Variants in CLIP2 observed in about 807,000 individuals in gnomAD.
CLIP2 encodes the protein CAP-Gly domain-containing linker protein 2.
CLIP2 carries 41 observed loss-of-function variants against 111.7 expected under a neutral mutation model. The observed-to-expected ratio is 0.37, with a 90% CI of 0.29 to 0.48. The LOEUF (loss-of-function observed/expected upper bound fraction) is 0.48. Among genes scored for constraint, CLIP2 ranks in the 20% least tolerant of loss-of-function variants. The pLI, the probability that CLIP2 is intolerant of heterozygous loss-of-function variation, is 0.99. For synonymous variants in CLIP2, 660 were observed against 644.2 expected (o/e 1.02, Z -0.37); for missense variants, 1,160 against 1,422.1 (o/e 0.82, Z 2.96).
In CLIP2 at chr7:74,357,416, C is replaced by T. The variant is rs781819689; in HGVS notation, c.1154C>T (p.Ala385Val). Residue 385 changes from alanine to valine, a missense_variant, in exon 6 of 17, where the codon GCC becomes GTC. Ala to Val is a moderately conservative substitution (Grantham distance 64). This residue lies in a region of CLIP2 where 70 missense variants were observed against 114.9 expected (regional missense o/e 0.61). Coordinates refer to ENST00000223398, the MANE Select transcript of CLIP2 (RefSeq NM_003388.5). ...RDLERAEVAKATSHICEVEKE... is the reference protein window; with the variant it reads ...RDLERAEVAKVTSHICEVEKE... ...CTGGAACGGGCTGAGGTGGCCAAGG[C>T]CACAAGCCACATCTGCGAGGTGGAG... 6.2e-7 allele frequency: 1 copy of T among 1,610,760 alleles called. No homozygotes were observed. Among genetic ancestry groups the T allele is most frequent in the Non-Finnish European group, 8.5e-7 (1 of 1,178,656 alleles).
At position 74,338,881 on chromosome 7, in the gene CLIP2, C is replaced by A. The variant is rs782755044; in HGVS notation, c.555C>A (p.Ile185=). Residue 185 remains isoleucine, a synonymous_variant, in exon 3 of 17, where the codon ATC becomes ATA. Coordinates refer to ENST00000223398, the MANE Select transcript of CLIP2 (RefSeq NM_003388.5). This position sits in a 1 kb window ranked among gnomAD's most constrained non-coding sequence, Gnocchi z 4.3. ...CGCCCCCGCTGACCAGCCGCGTCAT[C>A]CCCCTGCGGGAGAGCGTCCTCAACA... ...TATPPLTSRV[I]PLRESVLNSS... The A allele has an allele frequency of 1.2e-6, 2 of 1,606,846 alleles. No homozygotes were observed. The highest frequency in any genetic ancestry group is 2.2e-5 in the East Asian group (1 of 44,880).
intron 1 of CLIP2, among the ~76,000 whole-genome samples, chr7:74,313,356 G>A (rs965329027): frequency 1.3e-5 from 2 of 151,802 alleles, no homozygotes; most frequent in African/African-American, 2.4e-5. Context: ...TCAGGAGATC[G>A]AGACCATCCT....
Position 74,334,216 on chromosome 7 carries a change from A to C in CLIP2, c.122-4232A>C, listed in dbSNP as rs782533050. Reference sequence around the variant, plus strand: ...AACTGCAGGAAGCTGAAAATGTCTCAGCGTGCATGGAATTTGATGAGCGTT... The same window carrying C: ...AACTGCAGGAAGCTGAAAATGTCTCCGCGTGCATGGAATTTGATGAGCGTT... On this transcript the variant is annotated intron_variant, in intron 2 of 16. Coordinates refer to ENST00000223398, the MANE Select transcript of CLIP2 (RefSeq NM_003388.5). 5.3e-5 allele frequency among the ~76,000 whole-genome samples: 8 copies of C among 152,312 alleles called. No individual in the cohort carries two copies. In the East Asian group the frequency reaches 1.5e-3, roughly 29 times the overall value.
At chr7:74,343,449 C>T (rs1554305740) in intron 3 of CLIP2, among the ~76,000 whole-genome samples, 1 of 152,094 alleles carries the variant, frequency 6.6e-6, no homozygotes, top group Non-Finnish European at 1.5e-5. Context: ...GGAAATCAGG[C>T]CCAGGTCTGT....
intron 12 of CLIP2, 153 bp from the exon 13 acceptor site, chr7:74,388,950 A>G: frequency 1.2e-6 from 1 of 859,640 alleles, no homozygotes. Context: ...AGCCAGACCC[A>G]ATCTCTAAAA....
At chr7:74,351,865 C>A (rs531886108) in intron 3 of CLIP2, among the ~76,000 whole-genome samples, 21 of 151,904 alleles carry the variant, frequency 1.4e-4, no homozygotes, top group South Asian at 1.2e-3. Context: ...AAATAAAATA[C>A]AATAACATAA....
chr7:74,397,228 G>A lies in CLIP2; in HGVS notation c.2875G>A (p.Gly959Arg), dbSNP rs150942066. Residue 959 changes from glycine (G) to arginine (R), a missense_variant, in exon 14 of 17, where the codon GGG becomes AGG. By Grantham distance (125) the Gly-to-Arg change is moderately radical. This residue lies in a region of CLIP2 where 676 missense variants were observed against 777.8 expected (regional missense o/e 0.87). Transcript: ENST00000223398. ...CCGGGGCCTGCGTGAAAAGCTGACC[G>A]GGCTGGTATGTGGGGTAGGGGTGGC... Reference protein sequence around the residue: ...DIRGLREKLTGLDKEKSLSDQ... With the variant: ...DIRGLREKLTRLDKEKSLSDQ... 2.9e-4 allele frequency: 460 copies of A among 1,613,674 alleles called. 3 individuals are homozygous for A. In the African/African-American group the frequency reaches 5.0e-3, roughly 17 times the overall value.
chr7:74,356,429 A>G lies in CLIP2; in HGVS notation c.823A>G (p.Lys275Glu). The part of the protein sequence containing the change: ...AGTRYFQCPP[K>E]FGLFAPIHKV... ...CCACAGGTACTTCCAGTGCCCACCC[A>G]AGTTTGGTCTCTTCGCGCCCATCCA... The change falls in exon 5 of 17, where the codon AAG becomes GAG. Residue 275 changes from lysine to glutamate, a missense_variant. Coordinates refer to ENST00000223398, the MANE Select transcript of CLIP2 (RefSeq NM_003388.5). The G allele has an allele frequency of 6.2e-7, 1 of 1,614,100 alleles. No individual in the cohort carries two copies.
intron 13 of CLIP2, among the ~76,000 whole-genome samples, chr7:74,389,868 C>T (rs1791224640): frequency 6.6e-6 from 1 of 151,122 alleles, no homozygotes; most frequent in East Asian, 1.9e-4. Flanking sequence ...CACTGCACTC[C>T]AACCTGGGTG....
At chr7:74,304,347 T>G (rs1788418941) in intron 1 of CLIP2, among the ~76,000 whole-genome samples, 1 of 151,614 alleles carries the variant, frequency 6.6e-6, no homozygotes, top group Non-Finnish European at 1.5e-5. Context: ...GCCAACATAG[T>G]GAAACCTCAT....
Position 74,357,421 on chromosome 7 carries a change from A to G in CLIP2, c.1159A>G (p.Ser387Gly), listed in dbSNP as rs994895477. 31 of 1,613,994 alleles carry G rather than the reference A, an allele frequency of 1.9e-5. No individual in the cohort carries two copies. The highest frequency in any genetic ancestry group is 2.3e-5 in the Non-Finnish European group (27 of 1,180,022). ...LERAEVAKAT[S>G]HICEVEKEIA... Reference sequence around the variant, plus strand: ...ACGGGCTGAGGTGGCCAAGGCCACAAGCCACATCTGCGAGGTGGAGAAGGA... The same window carrying G: ...ACGGGCTGAGGTGGCCAAGGCCACAGGCCACATCTGCGAGGTGGAGAAGGA... The change falls in exon 6 of 17, where the codon AGC becomes GGC. Residue 387 changes from serine (S) to glycine (G), a missense_variant. Around this residue, in one of 5 missense-constraint regions of CLIP2, gnomAD observed 70 missense variants for 114.9 expected, o/e 0.61. Coordinates refer to ENST00000223398, the MANE Select transcript of CLIP2 (RefSeq NM_003388.5).
At position 74,389,228 on chromosome 7, in the gene CLIP2, CTCA is replaced by C; in HGVS notation, c.2693_2695del (p.Ile898del). ...CCATGACGCCTCGGGCCAGCTAGTC[CTCA>C]TCAGCCAGGAGCTGCTGCGGAAGGA... is the stretch of plus-strand genomic sequence containing the variant. On this transcript the variant is annotated inframe_deletion, in exon 13 of 17. Transcript: ENST00000223398. 1 of 1,609,746 alleles carries C rather than the reference CTCA, an allele frequency of 6.2e-7. No homozygotes were observed. Among genetic ancestry groups the C allele is most frequent in the Non-Finnish European group, 8.5e-7 (1 of 1,178,374 alleles).
At position 74,338,307 on chromosome 7, in the gene CLIP2, G is replaced by A; in HGVS notation, c.122-141G>A. On this transcript the variant is annotated intron_variant, in intron 2 of 16. Transcript: ENST00000223398. This position sits in a 1 kb window ranked among gnomAD's most constrained non-coding sequence, Gnocchi z 4.3. Reference sequence around the variant, plus strand: ...TCTTGAGGTCAGGAGTTCGAGACCAGCCTGGCCGAGATGGTGAAACCCCAT... The same window carrying A: ...TCTTGAGGTCAGGAGTTCGAGACCAACCTGGCCGAGATGGTGAAACCCCAT... 1 of 957,312 alleles carries A rather than the reference G, an allele frequency of 1.0e-6. No individual in the cohort carries two copies. Among genetic ancestry groups the A allele is most frequent in the South Asian group, 1.7e-5 (1 of 57,614 alleles). 59.3% of individuals were successfully genotyped at this position (957,312 alleles called of 1,614,324 possible).
intron 3 of CLIP2, among the ~76,000 whole-genome samples, chr7:74,353,253 CTTTT>C (rs199943133): frequency 1.4e-5 from 2 of 142,836 alleles, no homozygotes; most frequent in African/African-American, 2.6e-5. Context: ...CACGAAAACC[CTTTT>C]TTTTTTTTTT....
intron 3 of CLIP2, among the ~76,000 whole-genome samples, chr7:74,348,051 G>T (rs782346940): frequency 1.4e-4 from 22 of 151,872 alleles, no homozygotes; most frequent in Non-Finnish European, 4.4e-5. Flanking sequence ...GTGGTGGCAG[G>T]TGCCTGTAGT....
intron 14 of CLIP2, 113 bp from the exon 15 acceptor site, chr7:74,400,257 G>A (rs1353472263): frequency 2.1e-6 from 2 of 956,740 alleles, no homozygotes; most frequent in Non-Finnish European, 3.1e-6. Context: ...TGATGCCCAG[G>A]CTTGGAACCC....
At chr7:74,401,760 T>C (rs186370153) in intron 16 of CLIP2, 193 bp downstream of exon 16, 12 of 715,734 alleles carry the variant, frequency 1.7e-5, no homozygotes, top group Non-Finnish European at 2.7e-5. Flanking sequence ...ATTTGTGTTT[T>C]CTTCCCTTCT....
In CLIP2 at chr7:74,304,467, A is replaced by G. The variant is rs547407081; in HGVS notation, c.-67-13013A>G. ...TTTGAACCCGGGAGGTGGAGGTTGC[A>G]GTGAGCCGAGATCACGCCATTGCAC... On this transcript the variant is annotated intron_variant, in intron 1 of 16. Coordinates refer to ENST00000223398, the MANE Select transcript of CLIP2 (RefSeq NM_003388.5). Among the ~76,000 whole-genome samples the G allele has an allele frequency of 4.8e-4, 73 of 151,732 alleles. No individual in the cohort carries two copies. In the East Asian group the frequency reaches 0.014, roughly 29 times the overall value.
intron 8 of CLIP2, among the ~76,000 whole-genome samples, chr7:74,367,750 C>G (rs1216292470): frequency 2.0e-5 from 3 of 152,160 alleles, no homozygotes; most frequent in Admixed American, 6.5e-5. Flanking sequence ...CACCACCCCC[C>G]TTACGGTTCC....
Sources: allele counts gnomAD v4.1 joint callset (sites outside exome capture counted in the v4.1 genomes callset), GRCh38; gene constraint gnomAD v4.1.1; regional missense constraint gnomAD v4.1.1; non-coding constraint Gnocchi (gnomAD v3.1); transcripts MANE v1.5; gene names NCBI Gene and HGNC (gene_info 2026-07-23, HGNC 2026-07-21).